SHCBP1: variants seen among roughly 807,000 people sequenced by gnomAD.
SHCBP1 encodes SHC SH2 domain-binding protein 1.
Under a neutral mutation model 75.1 loss-of-function variants are expected in SHCBP1, and 60 were observed. The observed-to-expected ratio is 0.80, with a 90% confidence interval of 0.65 to 0.99. SHCBP1 has a LOEUF of 0.99. Among genes scored for constraint, SHCBP1 ranks in the 50% least tolerant of loss-of-function variants. The probability of loss-of-function intolerance (pLI) is 0.00; values close to 1 mark genes in which losing one functional copy is unlikely to be tolerated. For synonymous variants in SHCBP1, 290 were observed against 293.2 expected (o/e 0.99, Z 0.11); for missense variants, 709 against 809.4 (o/e 0.88, Z 1.50).
intron 8 of SHCBP1, among the ~76,000 whole-genome samples, chr16:46,600,738 T>A (rs1965219886): frequency 6.6e-6 from 1 of 152,182 alleles, no homozygotes; most frequent in Non-Finnish European, 1.5e-5. Flanking sequence ...CAAGGCTGGG[T>A]ACGGTGGCGC....
Position 46,618,560 on chromosome 16 carries a change from AC to A in SHCBP1, c.104-189del, listed in dbSNP as rs1567456103. ...AAAAATATTTCAAAATCCAAATTCT[AC>A]TTCAAAACAATAAGCGCTTAAGATC... On this transcript the variant is annotated intron_variant, in intron 1 of 12. Coordinates refer to ENST00000303383, the MANE Select transcript of SHCBP1 (RefSeq NM_024745.5). Among the ~76,000 whole-genome samples the A allele has an allele frequency of 8.5e-5, 13 of 152,344 alleles. 1 individual carries two copies. The South Asian group carries it at 2.7e-3, about 32-fold the overall frequency.
In SHCBP1 at chr16:46,580,890, C is replaced by G. The variant is rs1964859983; in HGVS notation, c.*839G>C. On this transcript the variant is annotated 3_prime_UTR_variant, in exon 13 of 13. Coordinates refer to ENST00000303383, the MANE Select transcript of SHCBP1 (RefSeq NM_024745.5). ...CTGAGTAGCTGGAACTACATGCATG[C>G]ACCACCACACTCAGCTAATTTTTTT... 1.3e-5 allele frequency: 2 copies of G among 151,920 alleles called. No individual in the cohort carries two copies. Among genetic ancestry groups the G allele is most frequent in the African/African-American group, 4.8e-5 (2 of 41,332 alleles). The allele number at this position is 151,920 out of a possible 1,614,324, so 9.4% of individuals were successfully genotyped here.
At chr16:46,586,973 A>T (rs1017530701) in intron 10 of SHCBP1, among the ~76,000 whole-genome samples, 4 of 152,140 alleles carry the variant, frequency 2.6e-5, no homozygotes, top group Non-Finnish European at 5.9e-5. Flanking sequence ...ACAAAAAAGA[A>T]ATGATAAAAG....
chr16:46,595,487 A>G, intron 10 of SHCBP1, 65 bp downstream of exon 10: 2 of 1,243,856 alleles, frequency 1.6e-6, no homozygotes, highest in East Asian at 2.3e-5. Context: ...TCTTGGTCCC[A>G]TATTTCATAT....
In SHCBP1 at chr16:46,604,127, G is replaced by T; in HGVS notation, c.940C>A (p.Gln314Lys). ...TTTGCTTGGATGTTAGAATTCTTCT[G>T]ATAACCAAACACATACCTTAAAGAA... is the stretch of plus-strand genomic sequence containing the variant. ...NPLLRYVFGY[Q>K]KNSNIQAKGV... Residue 314 changes from glutamine to lysine, a missense_variant, in exon 7 of 13, where the codon CAG (glutamine) becomes AAG (lysine). Gln to Lys is a moderately conservative substitution (Grantham distance 53). Transcript: ENST00000303383. 2 of 1,614,038 alleles carry T rather than the reference G, an allele frequency of 1.2e-6. No individual in the cohort carries two copies. The highest frequency in any genetic ancestry group is 1.7e-6 in the Non-Finnish European group (2 of 1,180,000).
In SHCBP1 at chr16:46,616,004, C is replaced by A; in HGVS notation, c.538G>T (p.Val180Leu). 1 of 1,614,158 alleles carries A rather than the reference C, an allele frequency of 6.2e-7. No individual in the cohort carries two copies. The highest frequency in any genetic ancestry group is 1.1e-5 in the South Asian group (1 of 91,076). ...AACACTCCTGAATCATCAAACACCACCCACAGCTCCTGCAGGGGCAACCGA... is the reference window on the plus strand; with the variant it reads ...AACACTCCTGAATCATCAAACACCAACCACAGCTCCTGCAGGGGCAACCGA... ...EHRLPLQELW[V>L]VFDDSGVFDQ... Residue 180 changes from valine to leucine, a missense_variant, in exon 4 of 13, where the codon GTG (valine) becomes TTG (leucine). Physicochemically the swap from Val to Leu is conservative, Grantham distance 32 (BLOSUM62 1). Coordinates refer to ENST00000303383, the MANE Select transcript of SHCBP1 (RefSeq NM_024745.5). This position sits in a 1 kb window ranked among gnomAD's most constrained non-coding sequence, Gnocchi z 4.4.
chr16:46,585,402 G>T (rs1314320452), intron 10 of SHCBP1, among the ~76,000 whole-genome samples: 6 of 151,996 alleles, frequency 3.9e-5, no homozygotes, highest in Non-Finnish European at 8.8e-5. Flanking sequence ...AGACCAGCTA[G>T]GGACCTCAGG....
At position 46,618,108 on chromosome 16, in the gene SHCBP1, G is replaced by A. The variant is rs774554574; in HGVS notation, c.271+97C>T. 5.2e-5 allele frequency: 63 copies of A among 1,201,204 alleles called. 1 individual carries two copies. Among genetic ancestry groups the A allele is most frequent in the Middle Eastern group, 5.8e-4 (2 of 3,422 alleles). 74.4% of individuals were successfully genotyped at this position (1,201,204 alleles called of 1,614,324 possible). A position where few individuals can be genotyped will look rare whatever the true frequency, so the allele number is the denominator to read the frequency against. On this transcript the variant is annotated intron_variant, in intron 2 of 12. Coordinates refer to ENST00000303383, the MANE Select transcript of SHCBP1 (RefSeq NM_024745.5). ...GGAGAATCACCTGAACCTGGGAGGC[G>A]GAGGTTGCGGTGAGCCGAGATCGCA...
rs1222363183 is a variant in SHCBP1, at chr16:46,617,685, T to C, written c.336A>G (p.Pro112=). 6.2e-7 allele frequency: 1 copy of C among 1,613,626 alleles called. No homozygotes were observed. Among genetic ancestry groups the C allele is most frequent in the Admixed American group, 1.7e-5 (1 of 60,022 alleles). The change falls in exon 3 of 13, where the codon CCA becomes CCG. Residue 112 remains proline, a synonymous_variant. Coordinates refer to ENST00000303383, the MANE Select transcript of SHCBP1 (RefSeq NM_024745.5). ...TAEFLEKVLE[P]SGWRAVWHTN... The stretch of plus-strand genomic sequence containing the variant: ...TGTGCCAGACTGCCCGCCATCCAGA[T>C]GGCTCAAGGACCTTCTCCAAGAACT...
At chr16:46,612,477 G>A (rs1965432912) in intron 4 of SHCBP1, among the ~76,000 whole-genome samples, 2 of 152,226 alleles carry the variant, frequency 1.3e-5, no homozygotes, top group Middle Eastern at 6.8e-3. Flanking sequence ...TGTTGTTGTT[G>A]TTGTTGTTGT....
rs148413248 is a variant in SHCBP1 at position 46,618,350 on chromosome 16, T to C, written c.126A>G (p.Ser42=). 5.6e-4 allele frequency: 891 copies of C among 1,602,054 alleles called. 2 individuals carry two copies. The Middle Eastern group carries it at 0.011, about 20-fold the overall frequency. ...TATCACGGTAGCTACAATCACTGCATGAATCTTCATCTTGGAACAAACCTA... is the reference window on the plus strand; with the variant it reads ...TATCACGGTAGCTACAATCACTGCACGAATCTTCATCTTGGAACAAACCTA... ...LEKGLFQDED[S]CSDCSYRDKP... The change falls in exon 2 of 13, where the codon TCA becomes TCG. Residue 42 remains serine (S), a synonymous_variant. Transcript: ENST00000303383.
In SHCBP1 at chr16:46,584,072, G is replaced by C; in HGVS notation, c.1482C>G (p.Ile494Met). The C allele has an allele frequency of 2.5e-6, 4 of 1,600,862 alleles. No homozygotes were observed. Among genetic ancestry groups the C allele is most frequent in the Non-Finnish European group, 3.4e-6 (4 of 1,172,424 alleles). ...TCAGGGTGCACTGACTCCCAGGGTA[G>C]ATTTCTATACCAGCACCCTGTGAGT... ...LYGAKGAGIE[I>M]YPGSQCTLSD... Residue 494 changes from isoleucine to methionine, a missense_variant, in exon 11 of 13, where the codon ATC becomes ATG. Physicochemically the swap from Ile to Met is conservative, Grantham distance 10. Coordinates refer to ENST00000303383, the MANE Select transcript of SHCBP1 (RefSeq NM_024745.5).
rs929317371 is a variant in SHCBP1 at position 46,578,818 on chromosome 16, G to A, written c.*2911C>T. Among the ~76,000 whole-genome samples the A allele has an allele frequency of 6.6e-6, 1 of 152,068 alleles. No individual in the cohort carries two copies. Among genetic ancestry groups the A allele is most frequent in the Non-Finnish European group, 1.5e-5 (1 of 67,982 alleles). ...AGAAGCCTGTGGAATGTACTTCCTA[G>A]AAAGGAATAAGAATAAAAACAGCAA... On this transcript the variant is annotated 3_prime_UTR_variant, in exon 13 of 13. Transcript: ENST00000303383.
At chr16:46,615,244 A>G (rs1356522240) in intron 4 of SHCBP1, among the ~76,000 whole-genome samples, 2 of 152,182 alleles carry the variant, frequency 1.3e-5, no homozygotes, top group East Asian at 1.9e-4. Context: ...TCAACTATTT[A>G]TGTTAATGGT....
intron 1 of SHCBP1, 36 bp from the exon 2 acceptor site, chr16:46,618,408 G>T: frequency 6.5e-7 from 1 of 1,535,240 alleles, no homozygotes; most frequent in Non-Finnish European, 8.7e-7. Context: ...AAGCTCCAGT[G>T]CCTTATTTGA....
At chr16:46,614,678 C>A (rs1009208894) in intron 4 of SHCBP1, among the ~76,000 whole-genome samples, 2 of 152,126 alleles carry the variant, frequency 1.3e-5, no homozygotes, top group African/African-American at 4.8e-5. Context: ...CAGACATATG[C>A]TTGAAAAAAA....
intron 4 of SHCBP1, among the ~76,000 whole-genome samples, chr16:46,614,371 T>C (rs913860475): frequency 2.6e-5 from 4 of 152,240 alleles, no homozygotes; most frequent in African/African-American, 9.6e-5. Context: ...ATGGTCATTA[T>C]ATATTGCTCA....
chr16:46,590,173 T>C (rs1264595370), intron 10 of SHCBP1, among the ~76,000 whole-genome samples: 1 of 152,206 alleles, frequency 6.6e-6, no homozygotes, highest in East Asian at 1.9e-4. Context: ...TAATTCAAGA[T>C]GGATTAAAGA....
chr16:46,606,927 C>T (rs1237764007), intron 5 of SHCBP1, among the ~76,000 whole-genome samples: 3 of 152,086 alleles, frequency 2.0e-5, no homozygotes, highest in Admixed American at 2.0e-4. Flanking sequence ...CTCAAGCAAT[C>T]TTCCTGCCTC....
Sources: allele counts gnomAD v4.1 joint callset (sites outside exome capture counted in the v4.1 genomes callset), GRCh38; gene constraint gnomAD v4.1.1; non-coding constraint Gnocchi (gnomAD v3.1); transcripts MANE v1.5; gene names NCBI Gene and HGNC (gene_info 2026-07-23, HGNC 2026-07-21).